Variants in DLG2 observed in about 807,000 individuals in gnomAD.
DLG2 encodes disks large homolog 2.
A neutral mutation model predicts 132.5 loss-of-function variants in DLG2; 45 were observed. The ratio of observed to expected loss-of-function variants is 0.34; its 90% CI spans 0.27 to 0.44. The LOEUF is 0.44. DLG2 is among the 20% of genes least tolerant of loss of function. DLG2 has a pLI of 1.00. For synonymous variants in DLG2, 424 were observed against 419.6 expected (o/e 1.01, Z -0.13); for missense variants, 1,045 against 1,196.9 (o/e 0.87, Z 1.87).
intron 6 of DLG2, among the ~76,000 whole-genome samples, chr11:84,770,935 A>G (rs1008873911): frequency 6.6e-6 from 1 of 151,988 alleles, no homozygotes; most frequent in African/African-American, 2.4e-5. Flanking sequence ...TACAGGCATG[A>G]GCCACTGCGC....
At position 84,622,701 on chromosome 11, in the gene DLG2, G is replaced by T. The variant is rs1387040397; in HGVS notation, c.358-87970C>A. On this transcript the variant is annotated intron_variant, in intron 6 of 27. Transcript: ENST00000376104. ...GTTGGAACTAATATTCCATGCAGAA[G>T]AAATGGCATAAAGAAAACATTAGAC... Among the ~76,000 whole-genome samples, 5 of 152,060 alleles carry T rather than the reference G, an allele frequency of 3.3e-5. No homozygotes were observed. The South Asian group carries it at 8.3e-4, about 25-fold the overall frequency.
At chr11:84,217,222 G>T (rs775207298) in intron 8 of DLG2, among the ~76,000 whole-genome samples, 21 of 152,078 alleles carry the variant, frequency 1.4e-4, no homozygotes, top group Non-Finnish European at 2.6e-4. Flanking sequence ...CATTTATATG[G>T]GTTGGCTGTG....
At chr11:85,121,006 G>T (rs1364237763) in intron 5 of DLG2, among the ~76,000 whole-genome samples, 3 of 151,886 alleles carry the variant, frequency 2.0e-5, no homozygotes, top group African/African-American at 7.3e-5. Context: ...GCATAGTGCT[G>T]GTGTCATCTG....
chr11:85,163,366 T>C (rs1022334104), intron 4 of DLG2, among the ~76,000 whole-genome samples: 12 of 152,164 alleles, frequency 7.9e-5, no homozygotes, highest in Non-Finnish European at 1.5e-4. Flanking sequence ...ATGGACTGCC[T>C]GTCCTCTGAA....
intron 6 of DLG2, among the ~76,000 whole-genome samples, chr11:84,924,713 G>A (rs1591378282): frequency 6.6e-6 from 1 of 152,176 alleles, no homozygotes; most frequent in East Asian, 1.9e-4. Context: ...GAAAAAGGCA[G>A]TCTTATCCTA....
intron 4 of DLG2, among the ~76,000 whole-genome samples, chr11:85,198,730 T>C (rs192281220): frequency 3.3e-5 from 5 of 152,336 alleles, no homozygotes; most frequent in Admixed American, 6.5e-5. Flanking sequence ...TTGGCATTTC[T>C]AATTTGAGTT....
At chr11:83,674,728 C>T (rs1401513318) in intron 18 of DLG2, among the ~76,000 whole-genome samples, 1 of 152,202 alleles carries the variant, frequency 6.6e-6, no homozygotes, top group African/African-American at 2.4e-5. Flanking sequence ...TTGGGCTCCT[C>T]AGTGACACAG....
At chr11:84,370,759 G>A (rs556177618) in intron 7 of DLG2, among the ~76,000 whole-genome samples, 8 of 152,198 alleles carry the variant, frequency 5.3e-5, no homozygotes, top group East Asian at 1.9e-4. Context: ...CGTTATAGGC[G>A]TTCAAGAAAT....
rs74449802 is a variant in DLG2 at position 84,266,000 on chromosome 11, G to A, written c.520-14709C>T. On this transcript the variant is annotated intron_variant, in intron 7 of 27. Transcript: ENST00000376104. Reference sequence around the variant, plus strand: ...CTGTTCTGTAACAAATAAGCTTGGCGTTCTATTTTTGCAATTTCTGGGATG... The same window carrying A: ...CTGTTCTGTAACAAATAAGCTTGGCATTCTATTTTTGCAATTTCTGGGATG... Among the ~76,000 whole-genome samples, 210 of 152,186 alleles carry A rather than the reference G, an allele frequency of 1.4e-3. 1 individual carries two copies. Among genetic ancestry groups the A allele is most frequent in the South Asian group, 2.9e-3 (14 of 4,822 alleles).
rs1172860585 is a variant in DLG2 at position 84,896,874 on chromosome 11, GA to G, written c.357+214786del. ...ACAAGTATGTATGTATGCATAGCTG[GA>G]AAAAAAAAACATAGTCTATTCAGGT... On this transcript the variant is annotated intron_variant, in intron 6 of 27. Transcript: ENST00000376104. Among the ~76,000 whole-genome samples, 782 of 146,980 alleles carry G rather than the reference GA, an allele frequency of 5.3e-3. 7 individuals carry two copies. Among genetic ancestry groups the G allele is most frequent in the African/African-American group, 0.017 (700 of 40,286 alleles).
In DLG2 at chr11:85,456,817, G is replaced by C. The variant is rs765643422; in HGVS notation, c.40+141840C>G. Among the ~76,000 whole-genome samples, 5 of 152,236 alleles carry C rather than the reference G, an allele frequency of 3.3e-5. No homozygotes were observed. In the South Asian group the frequency reaches 8.3e-4, roughly 25 times the overall value. ...GTATTGGTTTCTATTTTATTGTACT[G>C]TGATCTGAAAGTGTGGTTGGTATGA... On this transcript the variant is annotated intron_variant, in intron 3 of 27. Coordinates refer to ENST00000376104, the MANE Select transcript of DLG2 (RefSeq NM_001142699.3).
At chr11:85,041,981 C>A (rs548061635) in intron 6 of DLG2, among the ~76,000 whole-genome samples, 1 of 151,830 alleles carries the variant, frequency 6.6e-6, no homozygotes, top group Non-Finnish European at 1.5e-5. Context: ...TTGGGTACAA[C>A]GTACACTATT....
intron 7 of DLG2, among the ~76,000 whole-genome samples, chr11:84,377,505 A>G (rs1240088149): frequency 6.6e-6 from 1 of 152,058 alleles, no homozygotes; most frequent in Non-Finnish European, 1.5e-5. Context: ...AGGTGATTAT[A>G]TAGAAAATAT....
chr11:84,514,349 C>A (rs961049468), intron 7 of DLG2, among the ~76,000 whole-genome samples: 1 of 151,900 alleles, frequency 6.6e-6, no homozygotes, highest in African/African-American at 2.4e-5. Flanking sequence ...GGGTATATAC[C>A]TAAAAGAAAG....
intron 7 of DLG2, among the ~76,000 whole-genome samples, chr11:84,321,913 T>G (rs558238796): frequency 6.6e-6 from 1 of 152,328 alleles, no homozygotes; most frequent in African/African-American, 2.4e-5. Context: ...TCATGTCATC[T>G]TTCCATTAAA....
At chr11:84,679,509 G>A (rs2099723382) in intron 6 of DLG2, among the ~76,000 whole-genome samples, 1 of 151,980 alleles carries the variant, frequency 6.6e-6, no homozygotes, top group Non-Finnish European at 1.5e-5. Context: ...GAAATAAGAG[G>A]GCAAGAAAGA....
At chr11:85,580,365 C>G (rs995363720) in intron 3 of DLG2, among the ~76,000 whole-genome samples, 1 of 152,138 alleles carries the variant, frequency 6.6e-6, no homozygotes, top group South Asian at 2.1e-4. Flanking sequence ...GAAGAAAGAT[C>G]CCAACTTCTC....
rs926237605 is a variant in DLG2, at chr11:85,184,871, TA to T, written c.187-30221del. On this transcript the variant is annotated intron_variant, in intron 4 of 27. Transcript: ENST00000376104. ...TACTGTGTTATCATAGCAACCAATT[TA>T]AAAAAAAACTGATATGATAAAAAAT... Among the ~76,000 whole-genome samples the T allele has an allele frequency of 1.9e-4, 28 of 150,996 alleles. No individual in the cohort carries two copies. In the East Asian group the frequency reaches 3.1e-3, roughly 17 times the overall value.
chr11:84,689,751 C>T (rs2057800524), intron 6 of DLG2, among the ~76,000 whole-genome samples: 1 of 151,612 alleles, frequency 6.6e-6, no homozygotes, highest in Non-Finnish European at 1.5e-5. Context: ...TTTGGTACTA[C>T]CATATTGGTC....
Sources: allele counts gnomAD v4.1 joint callset (sites outside exome capture counted in the v4.1 genomes callset), GRCh38; gene constraint gnomAD v4.1.1; transcripts MANE v1.5; gene names NCBI Gene and HGNC (gene_info 2026-07-23, HGNC 2026-07-21).